The following MACF1 variants were observed in gnomAD, a reference collection of about 807,000 sequenced individuals.
The protein encoded by MACF1 is microtubule-actin cross-linking factor 1.
MACF1 carries 193 observed loss-of-function variants against 854.8 expected under a neutral mutation model. The ratio of observed to expected loss-of-function variants is 0.23; its 90% CI spans 0.20 to 0.25. The LOEUF (loss-of-function observed/expected upper bound fraction) is 0.25. Ranked by LOEUF, MACF1 falls within the 10% of genes least tolerant of loss-of-function variation. The pLI is 1.00. For missense variants in MACF1, 7,722 were observed against 8,929.1 expected (o/e 0.86, Z 5.45); for synonymous variants, 3,185 against 3,226.7 (o/e 0.99, Z 0.44).
chr1:39,356,424 G>A (rs1173463558), intron 44 of MACF1, among the ~76,000 whole-genome samples: 4 of 151,450 alleles, frequency 2.6e-5, no homozygotes, highest in African/African-American at 9.7e-5. Flanking sequence ...CCAGGCTGGA[G>A]TGCAGTGGCA....
chr1:39,429,714 CAGAG>C (rs146170592), intron 64 of MACF1, 109 bp from the exon 65 acceptor site: 11 of 1,022,466 alleles, frequency 1.1e-5, no homozygotes, highest in East Asian at 2.4e-5. Flanking sequence ...ATCATTACCA[CAGAG>C]AGAGAGAGAG....
intron 2 of MACF1, among the ~76,000 whole-genome samples, chr1:39,144,177 T>C (rs1251613207): frequency 2.0e-5 from 3 of 148,360 alleles, no homozygotes; most frequent in African/African-American, 5.0e-5. Flanking sequence ...GCCTCCCAGG[T>C]TCAAGCGATT....
chr1:39,084,519 C>A lies in MACF1; in HGVS notation c.220+81C>A. On this transcript the variant is annotated intron_variant, in intron 2 of 93. Coordinates refer to the MACF1 transcript ENST00000361689. The surrounding 1 kb of genome is among the most constrained non-coding windows in gnomAD (Gnocchi z 5.2). ...AGGGCACAGCAGCTGTGTGGGGAGCCGAGGGGTCCTCACCAGGGCCTCTGA... is the reference window on the plus strand; with the variant it reads ...AGGGCACAGCAGCTGTGTGGGGAGCAGAGGGGTCCTCACCAGGGCCTCTGA... 8.3e-7 allele frequency: 1 copy of A among 1,203,124 alleles called. No homozygotes were observed. Among genetic ancestry groups the A allele is most frequent in the Non-Finnish European group, 1.2e-6 (1 of 846,486 alleles). The allele number at this position is 1,203,124 out of a possible 1,614,324, so 74.5% of individuals were successfully genotyped here.
At position 39,353,250 on chromosome 1, in the gene MACF1, C is replaced by A; in HGVS notation, c.11424+19C>A. The A allele has an allele frequency of 1.3e-6, 2 of 1,562,520 alleles. No homozygotes were observed. Among genetic ancestry groups the A allele is most frequent in the Non-Finnish European group, 1.8e-6 (2 of 1,142,048 alleles). On this transcript the variant is annotated intron_variant, in intron 44 of 100. Coordinates refer to ENST00000564288, the MANE Select transcript of MACF1 (RefSeq NM_001394062.1). ...GATGAAGGTAAGGGTGTTAGCTTAT[C>A]CTCACTATGCTAGAGAAATCTCTCC...
chr1:39,483,735 C>T (rs1645057488), intron 99 of MACF1, among the ~76,000 whole-genome samples: 2 of 152,222 alleles, frequency 1.3e-5, no homozygotes, highest in Admixed American at 6.5e-5. Flanking sequence ...CCTGATGTCT[C>T]AGTCCCACAG....
intron 58 of MACF1, chr1:39,412,383 T>TTG: frequency 6.2e-7 from 1 of 1,614,058 alleles, no homozygotes; most frequent in East Asian, 2.2e-5. Flanking sequence ...ATGTGGTCAC[T>TTG]TGTGAATTGT....
At chr1:39,418,774 A>G (rs1643424087) in intron 58 of MACF1, among the ~76,000 whole-genome samples, 4 of 152,172 alleles carry the variant, frequency 2.6e-5, no homozygotes, top group Admixed American at 2.6e-4. Flanking sequence ...GAGGTGAGAG[A>G]ATCACTTGAA....
At chr1:39,104,289 T>C (rs973606094) in intron 2 of MACF1, among the ~76,000 whole-genome samples, 7 of 152,160 alleles carry the variant, frequency 4.6e-5, no homozygotes, top group Admixed American at 1.3e-4. Context: ...TCCATGAATA[T>C]TGGGATTGAA....
chr1:39,485,866 G>C lies in MACF1; in HGVS notation c.*72G>C, dbSNP rs1057482513. On this transcript the variant is annotated 3_prime_UTR_variant, in exon 101 of 101. Coordinates refer to ENST00000564288, the MANE Select transcript of MACF1 (RefSeq NM_001394062.1). ...CATACATTGGGTGTATATTTATTCT[G>C]AACGGGAGAAGTTATATTGTTAAAA... The C allele has an allele frequency of 7.8e-6, 11 of 1,411,352 alleles. No homozygotes were observed. The highest frequency in any genetic ancestry group is 1.0e-5 in the Non-Finnish European group (11 of 1,066,992). 87.4% of individuals were successfully genotyped at this position (1,411,352 alleles called of 1,614,324 possible).
intron 97 of MACF1, among the ~76,000 whole-genome samples, chr1:39,475,635 G>A (rs1644865386): frequency 6.6e-6 from 1 of 152,116 alleles, no homozygotes; most frequent in East Asian, 1.9e-4. Context: ...ACAGGCTCAG[G>A]GATTCAAGAG....
In MACF1 at chr1:39,236,869, GC is replaced by G. The variant is rs200470137; in HGVS notation, c.171+5628del. On this transcript the variant is annotated intron_variant, in intron 2 of 100. Transcript: ENST00000564288. ...GTAGAGACAGGGTTATACCATATTG[GC>G]CAGGCTGCTCTCCTGGGCTTGTGAT... 9.3e-3 allele frequency among the ~76,000 whole-genome samples: 1,421 copies of G among 152,184 alleles called. 27 individuals are homozygous for G. The highest frequency in any genetic ancestry group is 0.033 in the African/African-American group (1,349 of 41,506).
chr1:39,238,285 G>A (rs1644882007), intron 2 of MACF1, among the ~76,000 whole-genome samples: 1 of 152,182 alleles, frequency 6.6e-6, no homozygotes, highest in Admixed American at 6.5e-5. Flanking sequence ...GTCTCTTGGA[G>A]AGGGAATGGG....
intron 2 of MACF1, among the ~76,000 whole-genome samples, chr1:39,092,959 A>AT (rs1641843613): frequency 6.6e-6 from 1 of 151,392 alleles, no homozygotes; most frequent in African/African-American, 2.4e-5. Context: ...ATTTTTTTGT[A>AT]TTTTTTAGTA....
chr1:39,252,868 T>C (rs79929352), intron 4 of MACF1, among the ~76,000 whole-genome samples: 2 of 152,312 alleles, frequency 1.3e-5, no homozygotes, highest in Non-Finnish European at 2.9e-5. Context: ...AAGTGTTGCT[T>C]AGAAGTGTTG....
chr1:39,307,562 C>T (rs1335835815), intron 23 of MACF1, among the ~76,000 whole-genome samples: 1 of 151,644 alleles, frequency 6.6e-6, no homozygotes, highest in African/African-American at 2.4e-5. Context: ...GAAGTTTTTT[C>T]TTGGATGATG....
chr1:39,123,717 G>GTTTTTT (rs1170430073), intron 2 of MACF1, among the ~76,000 whole-genome samples: 2,417 of 100,022 alleles, frequency 0.024, 11 homozygotes, highest in Non-Finnish European at 0.028. Context: ...TTCTTGTTTT[G>GTTTTTT]TTTTTTTTTT....
In MACF1 at chr1:39,480,916, A is replaced by T. The variant is rs1375503252; in HGVS notation, c.22171-4A>T. ...GTCCTTCCCTTTGGATTTCCGTTTC[A>T]CAGACTTCACTTCAGTTCTCTCGCT... On this transcript the variant is annotated splice_polypyrimidine_tract_variant and splice_region_variant and intron_variant, in intron 98 of 100. Coordinates refer to ENST00000564288, the MANE Select transcript of MACF1 (RefSeq NM_001394062.1). The T allele has an allele frequency of 2.6e-6, 4 of 1,515,060 alleles. No homozygotes were observed. In the Admixed American group the frequency reaches 7.9e-5, roughly 30 times the overall value. The allele number at this position is 1,515,060 out of a possible 1,614,324, so 93.9% of individuals were successfully genotyped here. A position where few individuals can be genotyped will look rare whatever the true frequency, so the allele number is the denominator to read the frequency against.
In MACF1 at chr1:39,422,480, G is replaced by C; in HGVS notation, c.15923G>C (p.Gly5308Ala). 1 of 1,614,128 alleles carries C rather than the reference G, an allele frequency of 6.2e-7. No homozygotes were observed. Among genetic ancestry groups the C allele is most frequent in the Non-Finnish European group, 8.5e-7 (1 of 1,179,986 alleles). Residue 5308 changes from glycine to alanine, a missense_variant, in exon 59 of 101, where the codon GGT (glycine) becomes GCT (alanine). Gly to Ala is a moderately conservative substitution (Grantham distance 60). Around this residue, in one of 15 missense-constraint regions of MACF1, gnomAD observed 2,807 missense variants for 3,235.8 expected, o/e 0.87. Coordinates refer to ENST00000564288, the MANE Select transcript of MACF1 (RefSeq NM_001394062.1). ...QSAGKDCDVQGLEHDMEEINA... is the reference protein window; with the variant it reads ...QSAGKDCDVQALEHDMEEINA... ...GCAGGAAAAGACTGTGATGTACAGG[G>C]TTTAGAACATGACATGGAAGAGATC...
chr1:39,204,393 A>C (rs1169461927), upstream of MACF1: 2 of 152,392 alleles, frequency 1.3e-5, no homozygotes, highest in Non-Finnish European at 2.9e-5. Flanking sequence ...CTCTGTATGT[A>C]TCCTCCCTGG....
Sources: allele counts gnomAD v4.1 joint callset (sites outside exome capture counted in the v4.1 genomes callset), GRCh38; gene constraint gnomAD v4.1.1; regional missense constraint gnomAD v4.1.1; non-coding constraint Gnocchi (gnomAD v3.1); transcripts MANE v1.5; gene names NCBI Gene and HGNC (gene_info 2026-07-23, HGNC 2026-07-21).